Variants in SHISA9 observed in about 807,000 individuals in gnomAD.
SHISA9 encodes protein shisa-9.
In SHISA9, 13 loss-of-function variants were observed where a neutral mutation model predicts 38.0. The ratio of observed to expected loss-of-function variants is 0.34; its 90% CI spans 0.22 to 0.54. SHISA9 has a LOEUF of 0.54. SHISA9 is among the 20% of genes least tolerant of loss of function. The probability of loss-of-function intolerance (pLI) is 0.91; values close to 1 mark genes in which losing one functional copy is unlikely to be tolerated. For missense variants in SHISA9, 538 were observed against 575.8 expected (o/e 0.93, Z 0.67); for synonymous variants, 275 against 242.0 (o/e 1.14, Z -1.27).
chr16:12,951,567 T>G (rs2071757731), intron 2 of SHISA9, among the ~76,000 whole-genome samples: 1 of 152,086 alleles, frequency 6.6e-6, no homozygotes, highest in Admixed American at 6.6e-5. Context: ...CACTGACCTC[T>G]GCTGTAGAAA....
At chr16:13,365,417 C>G in the SHISA9 span, among the ~76,000 whole-genome samples, 1 of 151,260 alleles carries the variant, frequency 6.6e-6, no homozygotes, top group Admixed American at 6.6e-5. Context: ...ATTTAACATA[C>G]CTTATCCCTC....
the SHISA9 span, among the ~76,000 whole-genome samples, chr16:13,327,746 TC>T: frequency 1.3e-5 from 2 of 151,982 alleles, no homozygotes; most frequent in Non-Finnish European, 2.9e-5. Context: ...AACCTCCGCC[TC>T]CCGAGTTCAA....
chr16:13,005,582 G>C (rs987823621), intron 2 of SHISA9, among the ~76,000 whole-genome samples: 3 of 152,164 alleles, frequency 2.0e-5, no homozygotes, highest in Non-Finnish European at 4.4e-5. Flanking sequence ...CTTGCTTACT[G>C]GTTCCCATGA....
At chr16:13,171,359 T>C (rs1375942261) in intron 2 of SHISA9, among the ~76,000 whole-genome samples, 2 of 151,990 alleles carry the variant, frequency 1.3e-5, no homozygotes, top group East Asian at 1.9e-4. Context: ...TTCTAGTTCA[T>C]GGAAAGCTAC....
chr16:12,962,783 C>T (rs2071927968), intron 2 of SHISA9, among the ~76,000 whole-genome samples: 1 of 152,186 alleles, frequency 6.6e-6, no homozygotes, highest in Admixed American at 6.5e-5. Context: ...ATACATTTCC[C>T]CTCGCCACTT....
At chr16:13,092,424 A>G (rs1235787) in intron 2 of SHISA9, among the ~76,000 whole-genome samples, 1 of 152,340 alleles carries the variant, frequency 6.6e-6, no homozygotes, top group African/African-American at 2.4e-5. Flanking sequence ...TGCCCTGCCC[A>G]CAGAGGTGGA....
the SHISA9 span, among the ~76,000 whole-genome samples, chr16:13,311,505 A>G: frequency 2.6e-5 from 4 of 152,104 alleles, no homozygotes; most frequent in African/African-American, 9.7e-5. Context: ...CTGGGAGGGA[A>G]AAGACTCTGA....
chr16:13,336,841 C>A, the SHISA9 span, among the ~76,000 whole-genome samples: 25 of 152,170 alleles, frequency 1.6e-4, no homozygotes, highest in Non-Finnish European at 3.5e-4. Context: ...AAAGTAACAA[C>A]CTTTCTGTGG....
chr16:12,975,667 A>AG (rs906911660), intron 2 of SHISA9, among the ~76,000 whole-genome samples: 2 of 147,208 alleles, frequency 1.4e-5, no homozygotes, highest in Admixed American at 6.7e-5. Flanking sequence ...GGGGGGGGTA[A>AG]GGGCATGTCA....
At chr16:12,928,313 G>GT (rs1451296900) in intron 2 of SHISA9, among the ~76,000 whole-genome samples, 4 of 38,214 alleles carry the variant, frequency 1.0e-4, no homozygotes, top group Non-Finnish European at 1.8e-4. Context: ...GCAGAGGTTG[G>GT]TTGTGTGTGT....
chr16:13,254,250 C>A, the SHISA9 span, among the ~76,000 whole-genome samples: 1 of 152,076 alleles, frequency 6.6e-6, no homozygotes, highest in Non-Finnish European at 1.5e-5. Flanking sequence ...AGTGATTTGC[C>A]CAAAGCCAAG....
the SHISA9 span, among the ~76,000 whole-genome samples, chr16:13,322,479 T>G: frequency 8.5e-5 from 13 of 152,172 alleles, no homozygotes; most frequent in Non-Finnish European, 1.9e-4. Flanking sequence ...AAAACAAGGC[T>G]GTAGGTGGAT....
At chr16:13,472,494 C>G in the SHISA9 span, among the ~76,000 whole-genome samples, 1 of 144,054 alleles carries the variant, frequency 6.9e-6, no homozygotes. Flanking sequence ...CAGGTTCATG[C>G]CATTGTCCTG....
chr16:13,174,600 C>A (rs548295281), intron 2 of SHISA9, among the ~76,000 whole-genome samples: 34 of 152,174 alleles, frequency 2.2e-4, no homozygotes, highest in Non-Finnish European at 4.3e-4. Context: ...GGACCCCTTA[C>A]TGGGGATGGA....
At chr16:13,059,637 C>G (rs1442844551) in intron 2 of SHISA9, among the ~76,000 whole-genome samples, 4 of 152,150 alleles carry the variant, frequency 2.6e-5, no homozygotes, top group African/African-American at 9.7e-5. Context: ...ACCTATGTAA[C>G]AAACCTGCAC....
At chr16:13,405,187 G>A in the SHISA9 span, among the ~76,000 whole-genome samples, 1 of 152,150 alleles carries the variant, frequency 6.6e-6, no homozygotes, top group East Asian at 1.9e-4. Context: ...GTCAATAATT[G>A]CAATGAAATC....
At chr16:12,970,637 A>G (rs1419451421) in intron 2 of SHISA9, among the ~76,000 whole-genome samples, 1 of 145,346 alleles carries the variant, frequency 6.9e-6, no homozygotes, top group Non-Finnish European at 1.5e-5. Context: ...CAGCCTCCCA[A>G]GTAGCTGGAA....
At chr16:13,142,344 T>C (rs2050409055) in intron 2 of SHISA9, among the ~76,000 whole-genome samples, 2 of 152,204 alleles carry the variant, frequency 1.3e-5, no homozygotes, top group Admixed American at 1.3e-4. Flanking sequence ...TCAGTTTGAG[T>C]TCCCCGAACT....
the SHISA9 span, among the ~76,000 whole-genome samples, chr16:13,290,182 T>C: frequency 1.3e-5 from 2 of 152,160 alleles, no homozygotes; most frequent in African/African-American, 4.8e-5. Flanking sequence ...TTTATTTCTA[T>C]GGTATTGTAC....
Sources: gnomAD v4.1 joint callset for allele counts (sites outside exome capture counted in the v4.1 genomes callset) on GRCh38, gnomAD v4.1.1 for gene constraint, MANE v1.5 for transcripts, NCBI Gene and HGNC (gene_info 2026-07-23, HGNC 2026-07-21) for gene names.